Variants in PIN4 observed in about 807,000 individuals in gnomAD.
The protein encoded by PIN4 is peptidyl-prolyl cis-trans isomerase NIMA-interacting 4.
PIN4 carries 3 observed loss-of-function variants against 8.3 expected under a neutral mutation model. The observed-to-expected ratio is 0.36, with a 90% CI of 0.16 to 0.93. The LOEUF (loss-of-function observed/expected upper bound fraction) is 0.93, where lower values mean the gene tolerates loss of function less well. Ranked by LOEUF, PIN4 falls within the 40% of genes least tolerant of loss-of-function variation. The pLI is 0.44. For synonymous variants in PIN4, 18 were observed against 32.5 expected, an observed-to-expected ratio of 0.55 and a Z score of 1.52; for missense variants, 75 against 100.6, an observed-to-expected ratio of 0.75 and a Z score of 1.09.
intron 3 of PIN4, among the ~76,000 whole-genome samples, chrX:72,240,146 C>T (rs1349687804): frequency 9.2e-6 from 1 of 108,855 alleles, no homozygotes; most frequent in South Asian, 3.9e-4. Context: ...GGTTCACATA[C>T]TTGGTATAAT....
chrX:72,252,610 G>C (rs1462989182), intron 3 of PIN4, among the ~76,000 whole-genome samples: 4 of 111,726 alleles, frequency 3.6e-5, no homozygotes, highest in Non-Finnish European at 7.5e-5. Context: ...GGCTGGTCTC[G>C]AACTCCTGGC....
chrX:72,208,927 T>A (rs1356348794), intron 3 of PIN4, among the ~76,000 whole-genome samples: 1 of 111,641 alleles, frequency 9.0e-6, no homozygotes, highest in Admixed American at 9.5e-5. Flanking sequence ...TTGTGGAAAA[T>A]GAATGTGCAA....
chrX:72,210,205 AT>A (rs1187565163), intron 3 of PIN4, among the ~76,000 whole-genome samples: 1 of 68,112 alleles, frequency 1.5e-5, no homozygotes, highest in African/African-American at 6.3e-5. Context: ...CTCTTAAAAA[AT>A]AAATAAATAA....
chrX:72,194,616 C>G (rs1277889921), intron 2 of PIN4, among the ~76,000 whole-genome samples: 13 of 104,627 alleles, frequency 1.2e-4, no homozygotes, highest in Non-Finnish European at 2.5e-4. Context: ...GCAGGAGACT[C>G]ACTTGAACTA....
chrX:72,250,226 G>C (rs2043081490), intron 3 of PIN4, among the ~76,000 whole-genome samples: 1 of 110,113 alleles, frequency 9.1e-6, no homozygotes, highest in East Asian at 2.9e-4. Context: ...AAACATAAAG[G>C]CACTGAATTT....
chrX:72,260,510 C>T (rs988832298), intron 3 of PIN4, among the ~76,000 whole-genome samples: 2 of 111,525 alleles, frequency 1.8e-5, no homozygotes, highest in Non-Finnish European at 3.8e-5. Context: ...GACCTCATCC[C>T]TCCAGGGCTC....
chrX:72,226,750 T>C (rs1231464451), intron 3 of PIN4, among the ~76,000 whole-genome samples: 1 of 111,545 alleles, frequency 9.0e-6, no homozygotes, highest in African/African-American at 3.3e-5. Flanking sequence ...TATCCCCTCC[T>C]TTTATCCAGA....
chrX:72,251,873 G>A lies in PIN4; in HGVS notation c.313-10834G>A, dbSNP rs146107809. On this transcript the variant is annotated intron_variant, in intron 3 of 3. Transcript: ENST00000423432. ...GAGTCCGGGAGTTCGGGGCTGCAAT[G>A]AGCTATGATTGCACCAATGTACTCC... Among the ~76,000 whole-genome samples the A allele has an allele frequency of 2.9e-3, 318 of 110,950 alleles. 4 individuals carry two copies. In the East Asian group the frequency reaches 0.062, roughly 22 times the overall value.
At chrX:72,216,746 C>A (rs1569490788) in intron 3 of PIN4, among the ~76,000 whole-genome samples, 1 of 110,724 alleles carries the variant, frequency 9.0e-6, no homozygotes. Context: ...AAGGTCTATA[C>A]CCATTGTAAA....
intron 2 of PIN4, among the ~76,000 whole-genome samples, chrX:72,195,708 G>A (rs1405038499): frequency 9.0e-6 from 1 of 111,593 alleles, no homozygotes; most frequent in Non-Finnish European, 1.9e-5. Context: ...ATAATAGCTA[G>A]CCGTTGGTCA....
At chrX:72,262,930 C>T in exon 4 of PIN4, 1 of 413,285 alleles carries the variant, frequency 2.4e-6, no homozygotes, top group Middle Eastern at 5.1e-4. Context: ...TTTTTGTTTT[C>T]AGAAAAGAGA....
At chrX:72,248,931 G>A (rs2043077468) in intron 3 of PIN4, among the ~76,000 whole-genome samples, 1 of 111,653 alleles carries the variant, frequency 9.0e-6, no homozygotes, top group Admixed American at 9.5e-5. Context: ...AAATTGCTAG[G>A]GGGTAAGTTT....
At chrX:72,223,163 C>T (rs1360805125) in intron 3 of PIN4, among the ~76,000 whole-genome samples, 4 of 98,240 alleles carry the variant, frequency 4.1e-5, no homozygotes, top group Non-Finnish European at 6.1e-5. Context: ...GGTGAAACCC[C>T]GTCTCTACTA....
intron 3 of PIN4, among the ~76,000 whole-genome samples, chrX:72,234,587 G>T (rs908935670): frequency 1.8e-5 from 2 of 110,721 alleles, no homozygotes; most frequent in Admixed American, 9.6e-5. Flanking sequence ...ATCAAGAGAG[G>T]ATTTTTTTTT....
chrX:72,210,092 C>T (rs1311028174), intron 3 of PIN4, among the ~76,000 whole-genome samples: 20 of 108,297 alleles, frequency 1.8e-4, no homozygotes, highest in Admixed American at 1.8e-3. Flanking sequence ...GGGCCGGGTG[C>T]GGTGGCTCAT....
intron 3 of PIN4, among the ~76,000 whole-genome samples, chrX:72,225,828 C>T (rs1310653877): frequency 9.0e-6 from 1 of 111,306 alleles, no homozygotes; most frequent in African/African-American, 3.3e-5. Flanking sequence ...TTCTCATAAT[C>T]AGGCCCTTGG....
chrX:72,215,191 T>C (rs775198293), intron 3 of PIN4, among the ~76,000 whole-genome samples: 11 of 111,712 alleles, frequency 9.8e-5, no homozygotes, highest in Admixed American at 8.6e-4. Context: ...AACTAACATA[T>C]GGTGGAAAAC....
At chrX:72,182,436 C>T in intron 1 of PIN4, among the ~76,000 whole-genome samples, 1 of 109,955 alleles carries the variant, frequency 9.1e-6, no homozygotes, top group African/African-American at 3.3e-5. Flanking sequence ...CCCAGCTACT[C>T]GGGAGGCTGA....
chrX:72,208,642 T>C, intron 3 of PIN4: 2 of 1,211,223 alleles, frequency 1.7e-6, no homozygotes, highest in Non-Finnish European at 2.2e-6. Context: ...ATTGAAAAGT[T>C]TAAATGCTTC....
Sources: gnomAD v4.1 joint callset for allele counts (sites outside exome capture counted in the v4.1 genomes callset) on GRCh38, gnomAD v4.1.1 for gene constraint, MANE v1.5 for transcripts, NCBI Gene and HGNC (gene_info 2026-07-23, HGNC 2026-07-21) for gene names.